RBM20: variants seen among roughly 807,000 people sequenced by gnomAD.
The protein encoded by RBM20 is RNA-binding protein 20.
Under a neutral mutation model 110.1 loss-of-function variants are expected in RBM20, and 51 were observed. The ratio of observed to expected loss-of-function variants is 0.46; its 90% confidence interval spans 0.37 to 0.59. RBM20 has a LOEUF of 0.59. Among genes scored for constraint, RBM20 ranks in the 20% least tolerant of loss-of-function variants. RBM20 has a pLI of 0.00. For synonymous variants in RBM20, 589 were observed against 618.2 expected, an observed-to-expected ratio of 0.95 and a Z score of 0.70; for missense variants, 1,512 against 1,574.9, an observed-to-expected ratio of 0.96 and a Z score of 0.68.
At chr10:110,829,869 G>A (rs1845027039) in intron 12 of RBM20, among the ~76,000 whole-genome samples, 1 of 152,152 alleles carries the variant, frequency 6.6e-6, no homozygotes, top group Admixed American at 6.5e-5. Flanking sequence ...TACCCAGGAT[G>A]GCCAGACCTG....
chr10:110,723,242 C>T (rs73356954), intron 1 of RBM20, among the ~76,000 whole-genome samples: 3,494 of 151,964 alleles, frequency 0.023, 120 homozygotes, highest in African/African-American at 0.076. Flanking sequence ...TACAAGTAAA[C>T]GGTTATATAT....
chr10:110,730,107 C>A (rs375559894), intron 1 of RBM20, among the ~76,000 whole-genome samples: 1 of 152,184 alleles, frequency 6.6e-6, no homozygotes, highest in Admixed American at 6.5e-5. Flanking sequence ...TGTGAGCCAC[C>A]GTGCTTGGCC....
At chr10:110,744,249 G>A (rs1843753342) in intron 1 of RBM20, among the ~76,000 whole-genome samples, 1 of 152,220 alleles carries the variant, frequency 6.6e-6, no homozygotes, top group Admixed American at 6.5e-5. Context: ...CTGGCACACA[G>A]TAGGTTTGCA....
intron 1 of RBM20, among the ~76,000 whole-genome samples, chr10:110,712,611 A>G (rs1198191714): frequency 6.6e-6 from 1 of 152,206 alleles, no homozygotes; most frequent in Non-Finnish European, 1.5e-5. Flanking sequence ...TACCAAAAAT[A>G]CAAAAATTAG....
chr10:110,686,321 C>G (rs1227786550), intron 1 of RBM20, among the ~76,000 whole-genome samples: 2 of 151,874 alleles, frequency 1.3e-5, no homozygotes, highest in Non-Finnish European at 2.9e-5. Flanking sequence ...CGCTTGGCCC[C>G]CCTATAGTTA....
chr10:110,830,215 A>G (rs565615709), intron 12 of RBM20, among the ~76,000 whole-genome samples: 1 of 152,278 alleles, frequency 6.6e-6, no homozygotes, highest in East Asian at 1.9e-4. Context: ...GAGAACTGTG[A>G]CCTGCAAAAC....
In RBM20 at chr10:110,799,710, G is replaced by A. The variant is rs928668102; in HGVS notation, c.1669-77G>A. On this transcript the variant is annotated intron_variant, in intron 6 of 13. Coordinates refer to ENST00000369519, the MANE Select transcript of RBM20 (RefSeq NM_001134363.3). ...GCCTGTTCTTGAACTTCATAGACGT[G>A]GAATCATGCCTTGTGCTGAATCTTG... The A allele has an allele frequency of 2.1e-6, 3 of 1,407,460 alleles. No homozygotes were observed. The African/African-American group carries it at 4.3e-5, about 20-fold the overall frequency. The allele number at this position is 1,407,460 out of a possible 1,614,324, so 87.2% of individuals were successfully genotyped here.
chr10:110,660,972 A>T (rs1020277117), intron 1 of RBM20, among the ~76,000 whole-genome samples: 7 of 152,060 alleles, frequency 4.6e-5, no homozygotes, highest in African/African-American at 1.7e-4. Context: ...CTTACTGTCT[A>T]TTATGGCTCC....
At chr10:110,769,724 A>AT (rs770732331) in intron 1 of RBM20, among the ~76,000 whole-genome samples, 394 of 146,650 alleles carry the variant, frequency 2.7e-3, no homozygotes, top group African/African-American at 8.5e-3. Flanking sequence ...CTCACTATAG[A>AT]TTTTTTTTTT....
rs146952487 is a variant in RBM20 at position 110,760,960 on chromosome 10, G to C, written c.192-19841G>C. Among the ~76,000 whole-genome samples, 186 of 150,992 alleles carry C rather than the reference G, an allele frequency of 1.2e-3. 1 individual carries two copies. The East Asian group carries it at 0.02, about 16-fold the overall frequency. On this transcript the variant is annotated intron_variant, in intron 1 of 13. Transcript: ENST00000369519. ...TACAAAAAAAAATTAGCCAGTTGTG[G>C]TGGTGGGCACCTGTAATCTCAGCTA... is the stretch of plus-strand genomic sequence containing the variant.
intron 1 of RBM20, among the ~76,000 whole-genome samples, chr10:110,732,246 C>T (rs890441713): frequency 6.6e-6 from 1 of 152,136 alleles, no homozygotes; most frequent in Non-Finnish European, 1.5e-5. Context: ...TGTCCCCTCG[C>T]CCCTGCTATT....
chr10:110,731,666 G>C (rs1843622171), intron 1 of RBM20, among the ~76,000 whole-genome samples: 1 of 143,538 alleles, frequency 7.0e-6, no homozygotes, highest in Non-Finnish European at 1.5e-5. Context: ...TTGTTATCTA[G>C]GCTAATTCAC....
intron 1 of RBM20, among the ~76,000 whole-genome samples, chr10:110,761,627 C>G (rs1334315414): frequency 6.6e-6 from 1 of 152,214 alleles, no homozygotes; most frequent in African/African-American, 2.4e-5. Context: ...GGATCTCAGT[C>G]TTTCCCTGAC....
intron 1 of RBM20, among the ~76,000 whole-genome samples, chr10:110,694,435 T>G (rs774879112): frequency 2.0e-5 from 3 of 152,236 alleles, no homozygotes; most frequent in Non-Finnish European, 4.4e-5. Context: ...CAGCCACTTT[T>G]AAGAGGAAGG....
intron 1 of RBM20, among the ~76,000 whole-genome samples, chr10:110,711,494 T>C (rs573631158): frequency 1.3e-5 from 2 of 152,230 alleles, no homozygotes; most frequent in East Asian, 3.9e-4. Context: ...ACTGAAGTTT[T>C]GAAATGAACT....
rs56359622 is a variant in RBM20, at chr10:110,689,665, G to A, written c.191+45020G>A. On this transcript the variant is annotated intron_variant, in intron 1 of 13. Transcript: ENST00000369519. ...GGGAGTTTGTTTGTTGGGAAATTCC[G>A]TGGAAAGCCTTGTTTCCGATGCTTC... Among the ~76,000 whole-genome samples, 1,430 of 152,328 alleles carry A rather than the reference G, an allele frequency of 9.4e-3. 12 individuals carry two copies. Among genetic ancestry groups the A allele is most frequent in the Non-Finnish European group, 0.016 (1,078 of 68,020 alleles).
chr10:110,696,169 T>C (rs1404586870), intron 1 of RBM20, among the ~76,000 whole-genome samples: 1 of 152,210 alleles, frequency 6.6e-6, no homozygotes, highest in Non-Finnish European at 1.5e-5. Flanking sequence ...GCCAGGGAAG[T>C]GATTTAAGAA....
rs1350030464 is a variant in RBM20 at position 110,812,985 on chromosome 10, GC to G, written c.2550+41del. On this transcript the variant is annotated intron_variant, in intron 9 of 13. Transcript: ENST00000369519. ...TTCTTCCCCAGGTAAGGCGAGGCAG[GC>G]CCTGAAGGAGAATAATCATAATAAT... 6 of 1,330,844 alleles carry G rather than the reference GC, an allele frequency of 4.5e-6. No homozygotes were observed. The African/African-American group carries it at 8.9e-5, about 20-fold the overall frequency. The allele number at this position is 1,330,844 out of a possible 1,614,324, so 82.4% of individuals were successfully genotyped here.
intron 1 of RBM20, among the ~76,000 whole-genome samples, chr10:110,766,937 G>A (rs547648686): frequency 0.011 from 1,691 of 147,924 alleles, 17 homozygotes; most frequent in Non-Finnish European, 0.018. Flanking sequence ...CGGACGGGGC[G>A]GCTGGCCGGG....
Sources: gnomAD v4.1 joint callset for allele counts (sites outside exome capture counted in the v4.1 genomes callset) on GRCh38, gnomAD v4.1.1 for gene constraint, MANE v1.5 for transcripts, NCBI Gene and HGNC (gene_info 2026-07-23, HGNC 2026-07-21) for gene names.